The following DNAI4 variants were observed in gnomAD, a reference collection of about 807,000 sequenced individuals.
DNAI4 encodes dynein axonemal intermediate chain 4.
A neutral mutation model predicts 105.8 loss-of-function variants in DNAI4; 85 were observed. The ratio of observed to expected loss-of-function variants is 0.80; its 90% CI spans 0.67 to 0.96. The LOEUF is 0.96. Among genes scored for constraint, DNAI4 ranks in the 40% least tolerant of loss-of-function variants. The pLI, the probability that DNAI4 is intolerant of heterozygous loss-of-function variation, is 0.00. For synonymous variants in DNAI4, 352 were observed against 331.5 expected, an observed-to-expected ratio of 1.06 and a Z score of -0.67; for missense variants, 1,014 against 1,005.6, an observed-to-expected ratio of 1.01 and a Z score of -0.11.
chr1:66,880,829 G>A (rs1168257398), intron 4 of DNAI4, among the ~76,000 whole-genome samples: 1 of 152,176 alleles, frequency 6.6e-6, no homozygotes, highest in African/African-American at 2.4e-5. Context: ...GCATGTCAGA[G>A]GTCTTCATGG....
intron 3 of DNAI4, among the ~76,000 whole-genome samples, chr1:66,893,013 GGAA>G (rs1435846419): frequency 2.8e-5 from 3 of 106,676 alleles, no homozygotes; most frequent in African/African-American, 1.2e-4. Context: ...AAGAGAGAGA[GGAA>G]AGAAAGAAAG....
intron 1 of DNAI4, among the ~76,000 whole-genome samples, chr1:66,921,895 ATTTT>A (rs71058482): frequency 1.6e-5 from 2 of 124,480 alleles, no homozygotes; most frequent in African/African-American, 5.8e-5. Flanking sequence ...ACTTGTAGAA[ATTTT>A]TTTTTTTTTT....
At position 66,862,202 on chromosome 1, in the gene DNAI4, T is replaced by C. The variant is rs1402314857; in HGVS notation, c.1041A>G (p.Ala347=). The C allele has an allele frequency of 1.2e-6, 2 of 1,606,634 alleles. No homozygotes were observed. The highest frequency in any genetic ancestry group is 2.7e-5 in the African/African-American group (2 of 74,470). Residue 347 remains alanine (A), a synonymous_variant, in exon 7 of 17, where the codon GCA becomes GCG. Transcript: ENST00000371026. Reference sequence around the variant, plus strand: ...GGTCCTGATCTTTAGGAAGTACATTTGCTTTACTACTTGACTCAACCACAG... The same window carrying C: ...GGTCCTGATCTTTAGGAAGTACATTCGCTTTACTACTTGACTCAACCACAG... ...KQSVVESSSK[A]NVLPKDQDQR...
At chr1:66,871,235 T>C (rs892633215) in intron 6 of DNAI4, 135 bp downstream of exon 6, 7 of 634,106 alleles carry the variant, frequency 1.1e-5, no homozygotes, top group African/African-American at 7.4e-5. Flanking sequence ...GAACACAGTG[T>C]CCAACTACTG....
intron 6 of DNAI4, among the ~76,000 whole-genome samples, chr1:66,866,457 A>G (rs1277936379): frequency 2.0e-5 from 3 of 152,202 alleles, no homozygotes; most frequent in Non-Finnish European, 2.9e-5. Context: ...CAATATGTCA[A>G]TCTCAAGTTT....
At chr1:66,916,340 T>A (rs563739020) in intron 1 of DNAI4, among the ~76,000 whole-genome samples, 2 of 152,328 alleles carry the variant, frequency 1.3e-5, no homozygotes, top group South Asian at 4.1e-4. Context: ...CATCCATGTA[T>A]CTTTCTGTAT....
At chr1:66,845,190 C>CAAAAAAAAAAAAAAAAAAAAAGAAAAA (rs59265844) in intron 8 of DNAI4, among the ~76,000 whole-genome samples, 3 of 106,318 alleles carry the variant, frequency 2.8e-5, no homozygotes, top group Non-Finnish European at 3.6e-5. Context: ...AACTCCATCT[C>CAAAAAAAAAAAAAAAAAAAAAGAAAAA]AAAAAAAAAA....
At chr1:66,865,962 T>C (rs1244914394) in intron 6 of DNAI4, among the ~76,000 whole-genome samples, 1 of 152,146 alleles carries the variant, frequency 6.6e-6, no homozygotes, top group Non-Finnish European at 1.5e-5. Context: ...TTTCAAATAA[T>C]TGAGCTTCAG....
chr1:66,881,324 C>T (rs1647065851), intron 4 of DNAI4, among the ~76,000 whole-genome samples: 1 of 152,166 alleles, frequency 6.6e-6, no homozygotes, highest in African/African-American at 2.4e-5. Flanking sequence ...CACCATGTGC[C>T]AGGAAAAGCC....
chr1:66,866,744 G>A (rs1368115614), intron 6 of DNAI4, among the ~76,000 whole-genome samples: 2 of 152,168 alleles, frequency 1.3e-5, no homozygotes, highest in African/African-American at 4.8e-5. Flanking sequence ...GTTGGATGTA[G>A]TATCTAGACT....
intron 7 of DNAI4, among the ~76,000 whole-genome samples, chr1:66,856,401 A>G (rs1389789913): frequency 6.6e-6 from 1 of 152,014 alleles, no homozygotes; most frequent in Non-Finnish European, 1.5e-5. Context: ...TGAACCCAGG[A>G]GGCAGAGCTT....
chr1:66,863,594 G>A (rs1646672346), intron 6 of DNAI4, among the ~76,000 whole-genome samples: 1 of 152,034 alleles, frequency 6.6e-6, no homozygotes, highest in African/African-American at 2.4e-5. Context: ...CAAGTAGCTG[G>A]GATTACAGGC....
chr1:66,818,963 T>A (rs1374272243), intron 16 of DNAI4, among the ~76,000 whole-genome samples: 1 of 152,140 alleles, frequency 6.6e-6, no homozygotes, highest in Non-Finnish European at 1.5e-5. Context: ...CATTGATACT[T>A]CCTTATACAT....
chr1:66,875,055 A>T (rs1250823963), intron 4 of DNAI4, 118 bp from the exon 5 acceptor site: 15 of 980,032 alleles, frequency 1.5e-5, no homozygotes, highest in Admixed American at 2.9e-5. Context: ...TATATAGTCA[A>T]GGAACAGGCC....
intron 16 of DNAI4, among the ~76,000 whole-genome samples, chr1:66,818,913 C>CA (rs1017298045): frequency 1.3e-5 from 2 of 151,750 alleles, no homozygotes; most frequent in African/African-American, 4.8e-5. Flanking sequence ...GACTCCATCT[C>CA]AAAAAAAGAA....
intron 3 of DNAI4, among the ~76,000 whole-genome samples, 170 bp downstream of exon 3, chr1:66,893,058 AG>A (rs370913208): frequency 0.018 from 1,809 of 100,514 alleles, 79 homozygotes; most frequent in African/African-American, 0.058. Flanking sequence ...AAAGAAAGAG[AG>A]AGAGAGAAAG....
At chr1:66,880,952 C>T (rs948335922) in intron 4 of DNAI4, among the ~76,000 whole-genome samples, 3 of 152,190 alleles carry the variant, frequency 2.0e-5, no homozygotes, top group African/African-American at 7.2e-5. Context: ...TGCATCCCAG[C>T]CACTCCAGCC....
chr1:66,874,917 C>G lies in DNAI4; in HGVS notation c.664G>C (p.Ala222Pro). Residue 222 changes from alanine to proline, a missense_variant, in exon 5 of 17, where the codon GCA becomes CCA. Physicochemically the swap from Ala to Pro is conservative, Grantham distance 27. Transcript: ENST00000371026. ...TCTTTTGTTACAATTTTTTCAGGTGCTGCCCTTATAACTTGCAAATCTAAA... is the reference window on the plus strand; with the variant it reads ...TCTTTTGTTACAATTTTTTCAGGTGGTGCCCTTATAACTTGCAAATCTAAA... ...SFTDLQVIRA[A>P]PEKIVTKEDL... 6.2e-7 allele frequency: 1 copy of G among 1,605,088 alleles called. No homozygotes were observed. Among genetic ancestry groups the G allele is most frequent in the Admixed American group, 1.7e-5 (1 of 57,572 alleles).
rs535749771 is a variant in DNAI4 at position 66,837,818 on chromosome 1, T to A, written c.1495-22A>T. 1.9e-6 allele frequency: 3 copies of A among 1,583,616 alleles called. No homozygotes were observed. The East Asian group carries it at 6.8e-5, about 36-fold the overall frequency. ...GATCCTGAAAACCAGAAAAATACAT[T>A]TAAAAATAAGAGAAGATAGCATTAA... is the stretch of plus-strand genomic sequence containing the variant. On this transcript the variant is annotated intron_variant, in intron 9 of 16. Coordinates refer to ENST00000371026, the MANE Select transcript of DNAI4 (RefSeq NM_024763.5).
Sources: allele counts gnomAD v4.1 joint callset (sites outside exome capture counted in the v4.1 genomes callset), GRCh38; gene constraint gnomAD v4.1.1; transcripts MANE v1.5; gene names NCBI Gene and HGNC (gene_info 2026-07-23, HGNC 2026-07-21).